RFLNA: variants seen among roughly 807,000 people sequenced by gnomAD.
RFLNA encodes the protein refilin-A.
Under a neutral mutation model 7.8 loss-of-function variants are expected in RFLNA, and 5 were observed. That is an observed-to-expected ratio of 0.64 (90% confidence interval 0.34 to 1.35). The LOEUF (loss-of-function observed/expected upper bound fraction) is 1.35. Among genes scored for constraint, RFLNA ranks in the 40% most tolerant of loss-of-function variants. The pLI is 0.04. For synonymous variants in RFLNA, 141 were observed against 131.3 expected (o/e 1.07, Z -0.50); for missense variants, 278 against 305.5 (o/e 0.91, Z 0.67).
upstream of RFLNA, among the ~76,000 whole-genome samples, chr12:124,292,549 C>T (rs1233253489): frequency 6.6e-6 from 1 of 152,254 alleles, no homozygotes; most frequent in Non-Finnish European, 1.5e-5. Context: ...CCCCAGCCCA[C>T]AGCAGCGGAT....
At chr12:124,294,454 G>A (rs1051290897), upstream of RFLNA, among the ~76,000 whole-genome samples, 4 of 152,310 alleles carry the variant, frequency 2.6e-5, no homozygotes, top group Admixed American at 2.0e-4. Flanking sequence ...AGTAAGGAAG[G>A]GAAACACGTG....
At chr12:124,300,147 G>A (rs916941193) in intron 1 of RFLNA, among the ~76,000 whole-genome samples, 1 of 152,210 alleles carries the variant, frequency 6.6e-6, no homozygotes, top group African/African-American at 2.4e-5. Context: ...AATGGCAGGT[G>A]GTGACAGATC....
chr12:124,312,602 T>C (rs1566329672), intron 2 of RFLNA, among the ~76,000 whole-genome samples: 1 of 152,178 alleles, frequency 6.6e-6, no homozygotes, highest in Admixed American at 6.5e-5. Flanking sequence ...TGAGTCACCA[T>C]GCCCAGCCCC....
intron 1 of RFLNA, among the ~76,000 whole-genome samples, chr12:124,303,203 A>T (rs1263896363): frequency 6.6e-6 from 1 of 152,220 alleles, no homozygotes; most frequent in Non-Finnish European, 1.5e-5. Flanking sequence ...TCTCGACAAC[A>T]GAGCGGCTAT....
At chr12:124,308,926 G>A (rs2034185612) in intron 1 of RFLNA, among the ~76,000 whole-genome samples, 1 of 152,256 alleles carries the variant, frequency 6.6e-6, no homozygotes, top group South Asian at 2.1e-4. Flanking sequence ...ATCTACCCCG[G>A]CCAGTGCGAC....
intron 1 of RFLNA, among the ~76,000 whole-genome samples, chr12:124,308,035 A>G (rs1205867821): frequency 6.7e-6 from 1 of 149,688 alleles, no homozygotes; most frequent in Non-Finnish European, 1.5e-5. Context: ...AGGCTGGAGT[A>G]CAGTGGCGCG....
At chr12:124,313,678 CA>C (rs11310797) in intron 2 of RFLNA, among the ~76,000 whole-genome samples, 99,101 of 139,116 alleles carry the variant, frequency 0.71, 34,254 homozygotes, top group Middle Eastern at 0.81. Flanking sequence ...GACTCCGTCT[CA>C]AAAAAAAAAA....
intron 1 of RFLNA, among the ~76,000 whole-genome samples, chr12:124,307,851 A>G (rs113995952): frequency 0.013 from 2,010 of 152,240 alleles, 46 homozygotes; most frequent in African/African-American, 0.042. Flanking sequence ...GCAGGGCCAC[A>G]CTGCCTCAGA....
At position 124,314,779 on chromosome 12, in the gene RFLNA, G is replaced by A; in HGVS notation, c.*254G>A. The A allele has an allele frequency of 1.4e-6, 1 of 709,772 alleles. No homozygotes were observed. The highest frequency in any genetic ancestry group is 2.5e-6 in the Non-Finnish European group (1 of 398,508). The allele number at this position is 709,772 out of a possible 1,614,324, so 44.0% of individuals were successfully genotyped here. A position where few individuals can be genotyped will look rare whatever the true frequency, so the allele number is the denominator to read the frequency against. On this transcript the variant is annotated 3_prime_UTR_variant, in exon 3 of 3. Coordinates refer to ENST00000546355, the MANE Select transcript of RFLNA (RefSeq NM_001365156.1). ...TTTTAGCACTTAAGCTGGCAAGGCG[G>A]TAGGGGCATGCACTGTTAGGTGGTG...
intron 1 of RFLNA, among the ~76,000 whole-genome samples, chr12:124,303,904 A>G (rs1796894674): frequency 6.6e-6 from 1 of 152,184 alleles, no homozygotes; most frequent in Non-Finnish European, 1.5e-5. Context: ...AGGTGGCCGC[A>G]TGGCCAGGGC....
intron 1 of RFLNA, among the ~76,000 whole-genome samples, chr12:124,305,055 G>A (rs1372806358): frequency 2.0e-5 from 3 of 152,216 alleles, no homozygotes; most frequent in Admixed American, 6.5e-5. Flanking sequence ...TTGACTGAAC[G>A]GTGAGCCATA....
chr12:124,304,962 G>A (rs1257516537), intron 1 of RFLNA, among the ~76,000 whole-genome samples: 1 of 152,116 alleles, frequency 6.6e-6, no homozygotes, highest in Non-Finnish European at 1.5e-5. Flanking sequence ...GGAAAATGCC[G>A]AGCTTCAGAT....
At chr12:124,301,619 G>A (rs1405191094) in intron 1 of RFLNA, among the ~76,000 whole-genome samples, 5 of 152,162 alleles carry the variant, frequency 3.3e-5, no homozygotes, top group Non-Finnish European at 7.3e-5. Context: ...GCCTTTATAA[G>A]GGCAGGGTCT....
intron 1 of RFLNA, among the ~76,000 whole-genome samples, chr12:124,300,320 A>C (rs560689037): frequency 6.6e-6 from 1 of 152,240 alleles, no homozygotes; most frequent in East Asian, 1.9e-4. Context: ...TGTACGTGAG[A>C]GCTTCCCTAA....
Position 124,300,793 on chromosome 12 carries a change from T to C in RFLNA, c.207+5157T>C, listed in dbSNP as rs1246843878. Among the ~76,000 whole-genome samples the C allele has an allele frequency of 2.8e-5, 4 of 142,974 alleles. No homozygotes were observed. In the East Asian group the frequency reaches 8.4e-4, roughly 30 times the overall value. The allele number at this position is 142,974 out of a possible 152,430, so 93.8% of individuals were successfully genotyped here. ...ATGGATTGACGGATGGATGGATGGA[T>C]GGATGGATGGATGGATGGATGGACA... is the stretch of plus-strand genomic sequence containing the variant. On this transcript the variant is annotated intron_variant, in intron 1 of 2. Coordinates refer to ENST00000546355, the MANE Select transcript of RFLNA (RefSeq NM_001365156.1).
At position 124,295,429 on chromosome 12, in the gene RFLNA, C is replaced by T. The variant is rs1454991784; in HGVS notation, c.-1C>T. 5 of 1,224,330 alleles carry T rather than the reference C, an allele frequency of 4.1e-6. No individual in the cohort carries two copies. Among genetic ancestry groups the T allele is most frequent in the East Asian group, 3.2e-5 (1 of 31,362 alleles). The allele number at this position is 1,224,330 out of a possible 1,614,324, so 75.8% of individuals were successfully genotyped here. A position where few individuals can be genotyped will look rare whatever the true frequency, so the allele number is the denominator to read the frequency against. ...GGGCCCGCGCCCCGCGCCCCCCAGA[C>T]ATGGTGGGCCACCTGCATCTGCAGG... On this transcript the variant is annotated 5_prime_UTR_variant, in exon 1 of 3. Transcript: ENST00000546355.
Position 124,314,781 on chromosome 12 carries a change from A to G in RFLNA, c.*256A>G, listed in dbSNP as rs1179881634. On this transcript the variant is annotated 3_prime_UTR_variant, in exon 3 of 3. Transcript: ENST00000546355. Reference sequence around the variant, plus strand: ...TTAGCACTTAAGCTGGCAAGGCGGTAGGGGCATGCACTGTTAGGTGGTGGC... The same window carrying G: ...TTAGCACTTAAGCTGGCAAGGCGGTGGGGGCATGCACTGTTAGGTGGTGGC... The G allele has an allele frequency of 7.1e-6, 5 of 705,830 alleles. No homozygotes were observed. Among genetic ancestry groups the G allele is most frequent in the Non-Finnish European group, 1.3e-5 (5 of 395,624 alleles). The allele number at this position is 705,830 out of a possible 1,614,324, so 43.7% of individuals were successfully genotyped here. A position where few individuals can be genotyped will look rare whatever the true frequency, so the allele number is the denominator to read the frequency against.
chr12:124,313,676 C>A (rs557630247), intron 2 of RFLNA, among the ~76,000 whole-genome samples: 41 of 74,044 alleles, frequency 5.5e-4, no homozygotes, highest in Middle Eastern at 7.7e-3. Context: ...GAGACTCCGT[C>A]TCAAAAAAAA....
chr12:124,295,318 C>G lies in RFLNA; in HGVS notation c.-112C>G. On this transcript the variant is annotated 5_prime_UTR_variant, in exon 1 of 3. Transcript: ENST00000546355. ...CCTGATCGCCGCCTCTCGCGGTGCC[C>G]GCAGGTCCCCGGGCGCGCAGCTCTC... is the stretch of plus-strand genomic sequence containing the variant. The G allele has an allele frequency of 2.0e-6, 1 of 489,056 alleles. No homozygotes were observed. Among genetic ancestry groups the G allele is most frequent in the Non-Finnish European group, 3.0e-6 (1 of 335,536 alleles). The allele number at this position is 489,056 out of a possible 1,614,324, so 30.3% of individuals were successfully genotyped here.
Sources: allele counts gnomAD v4.1 joint callset (sites outside exome capture counted in the v4.1 genomes callset), GRCh38; gene constraint gnomAD v4.1.1; transcripts MANE v1.5; gene names NCBI Gene and HGNC (gene_info 2026-07-23, HGNC 2026-07-21).